LILRA1: variants seen among roughly 807,000 people sequenced by gnomAD.
LILRA1 encodes the protein leukocyte immunoglobulin like receptor A1, also known as leukocyte immunoglobulin-like receptor subfamily A member 1.
In LILRA1, 51 loss-of-function variants were observed where a neutral mutation model predicts 51.6. The ratio of observed to expected loss-of-function variants is 0.99; its 90% CI spans 0.79 to 1.25. The LOEUF (loss-of-function observed/expected upper bound fraction) is 1.25, where lower values mean the gene tolerates loss of function less well. LILRA1 is among the 50% of genes most tolerant of loss of function. The probability of loss-of-function intolerance (pLI) is 0.00; values close to 1 mark genes in which losing one functional copy is unlikely to be tolerated. For missense variants in LILRA1, 660 were observed against 611.7 expected, an observed-to-expected ratio of 1.08 and a Z score of -0.83; for synonymous variants, 305 against 248.4, an observed-to-expected ratio of 1.23 and a Z score of -2.14.
In LILRA1 at chr19:54,595,901, G is replaced by A. The variant is rs140515098; in HGVS notation, c.924G>A (p.Ser308=). 4.5e-4 allele frequency: 719 copies of A among 1,612,200 alleles called. No homozygotes were observed. The Middle Eastern group carries it at 8.9e-3, about 20-fold the overall frequency. ...CATACAACCTCTCCTCCGAGTGGTCGGCCCCCAGCGACCCCCTGGACATCC... is the reference window on the plus strand; with the variant it reads ...CATACAACCTCTCCTCCGAGTGGTCAGCCCCCAGCGACCCCCTGGACATCC... ...SGAYNLSSEW[S]APSDPLDILI... The change falls in exon 6 of 10, where the codon TCG becomes TCA. Residue 308 remains serine (S), a synonymous_variant. Coordinates refer to ENST00000251372, the MANE Select transcript of LILRA1 (RefSeq NM_006863.4).
rs2063153804 is a variant in LILRA1, at chr19:54,601,033, C to A, written c.*216C>A. On this transcript the variant is annotated 3_prime_UTR_variant, in exon 10 of 10. Coordinates refer to ENST00000251372, the MANE Select transcript of LILRA1 (RefSeq NM_006863.4). ...ATGAAGGACCATTAACCTGTGATAC[C>A]TTTCCTCTCTATTAATGTTGACTTC... 3 of 610,676 alleles carry A rather than the reference C, an allele frequency of 4.9e-6. No homozygotes were observed. Among genetic ancestry groups the A allele is most frequent in the Admixed American group, 2.9e-5 (1 of 34,140 alleles). 37.8% of individuals were successfully genotyped at this position (610,676 alleles called of 1,614,324 possible).
chr19:54,600,869 T>C lies in LILRA1; in HGVS notation c.*52T>C. 1 of 1,600,364 alleles carries C rather than the reference T, an allele frequency of 6.2e-7. No individual in the cohort carries two copies. The highest frequency in any genetic ancestry group is 8.6e-7 in the Non-Finnish European group (1 of 1,167,556). On this transcript the variant is annotated 3_prime_UTR_variant, in exon 10 of 10. Coordinates refer to ENST00000251372, the MANE Select transcript of LILRA1 (RefSeq NM_006863.4). ...GAGAAGAATGTACCCTTCAGAGTGG[T>C]GGAGCCTTGGGAACAGATCTGATGA...
Position 54,594,942 on chromosome 19 carries a change from G to A in LILRA1, c.348G>A (p.Leu116=). ...GWSEPSDPLE[L]VVTGAYIKPT... ...CAGAGCCCAGTGACCCCCTGGAGCT[G>A]GTGGTGACAGGTGAGCTGACACTGA... The change falls in exon 4 of 10, where the codon CTG becomes CTA. Residue 116 remains leucine (L), a synonymous_variant. Transcript: ENST00000251372. 1 of 1,613,916 alleles carries A rather than the reference G, an allele frequency of 6.2e-7. No homozygotes were observed. Among genetic ancestry groups the A allele is most frequent in the Non-Finnish European group, 8.5e-7 (1 of 1,179,910 alleles).
At position 54,596,228 on chromosome 19, in the gene LILRA1, G is replaced by C. The variant is rs1201927844; in HGVS notation, c.998G>C (p.Gly333Ala). 2 of 1,613,858 alleles carry C rather than the reference G, an allele frequency of 1.2e-6. No individual in the cohort carries two copies. Among genetic ancestry groups the C allele is most frequent in the African/African-American group, 1.3e-5 (1 of 74,840 alleles). The change falls in exon 7 of 10, where the codon GGC (glycine) becomes GCC (alanine). Residue 333 changes from glycine (G) to alanine (A), a missense_variant. Coordinates refer to ENST00000251372, the MANE Select transcript of LILRA1 (RefSeq NM_006863.4). ...AGACCCTTCATCTCGGTGCATCCGGGCCCCACGGTGGCCTCAGGAGAGAAC... is the reference window on the plus strand; with the variant it reads ...AGACCCTTCATCTCGGTGCATCCGGCCCCCACGGTGGCCTCAGGAGAGAAC... ...RGRPFISVHP[G>A]PTVASGENVT...
chr19:54,595,071 A>G (rs757377734), intron 4 of LILRA1, 29 bp from the exon 5 acceptor site: 6 of 1,605,772 alleles, frequency 3.7e-6, no homozygotes, highest in Non-Finnish European at 5.1e-6. Context: ...TGTGAGCCCC[A>G]TTTAACATGG....
chr19:54,596,460 C>T lies in LILRA1; in HGVS notation c.1230C>T (p.His410=), dbSNP rs753816569. Residue 410 remains histidine (H), a synonymous_variant, in exon 7 of 10, where the codon CAC becomes CAT. Coordinates refer to ENST00000251372, the MANE Select transcript of LILRA1 (RefSeq NM_006863.4). Reference sequence around the variant, plus strand: ...GCTCCAACCCCTACCTGCTGTCTCACCCCAGTGACTCCCTGGAGCTCATGG... The same window carrying T: ...GCTCCAACCCCTACCTGCTGTCTCATCCCAGTGACTCCCTGGAGCTCATGG... ...SLSSNPYLLS[H]PSDSLELMVS... is the part of the protein sequence containing the mutation. 1.2e-6 allele frequency: 2 copies of T among 1,614,154 alleles called. No homozygotes were observed. The highest frequency in any genetic ancestry group is 1.1e-5 in the South Asian group (1 of 91,084).
chr19:54,599,279 C>T lies in LILRA1; in HGVS notation c.1305C>T (p.Ser435=), dbSNP rs1208495815. 1 of 1,570,418 alleles carries T rather than the reference C, an allele frequency of 6.4e-7. No homozygotes were observed. The highest frequency in any genetic ancestry group is 8.7e-7 in the Non-Finnish European group (1 of 1,153,200). ...TLSPPQNKSD[S]KAGAANTLSP... ...GCCCACCACAAAACAAGTCCGATTC[C>T]AAGGCTGGTGAGTGAGGAGATGCTT... Residue 435 remains serine (S), a synonymous_variant, in exon 8 of 10, where the codon TCC becomes TCT. Transcript: ENST00000251372.
In LILRA1 at chr19:54,594,477, G is replaced by C. The variant is rs768448003; in HGVS notation, c.70+1G>C. 1.9e-6 allele frequency: 3 copies of C among 1,614,154 alleles called. No individual in the cohort carries two copies. The highest frequency in any genetic ancestry group is 2.2e-5 in the South Asian group (2 of 91,078). On this transcript the variant is annotated splice_donor_variant, in intron 3 of 9. Transcript: ENST00000251372. LOFTEE classifies it high-confidence loss of function. The stretch of plus-strand genomic sequence containing the variant: ...GGCCCCCGGACCCACGTGCAGGCAG[G>C]TGAGTCTGTCCCCAGCTCTCCCAGG...
intron 8 of LILRA1, chr19:54,599,503 A>G: frequency 8.2e-7 from 1 of 1,212,438 alleles, no homozygotes; most frequent in Non-Finnish European, 1.0e-6. Flanking sequence ...TGCTTTGAGT[A>G]TATTCATTGT....
At position 54,601,136 on chromosome 19, in the gene LILRA1, C is replaced by A; in HGVS notation, c.*319C>A. ...CCCACATGGCAGCGTTGGGTCCACA[C>A]CTCTGCACATCTGTGTGCTCTGGTC... is the stretch of plus-strand genomic sequence containing the variant. On this transcript the variant is annotated 3_prime_UTR_variant, in exon 10 of 10. Transcript: ENST00000251372. 2.2e-6 allele frequency: 1 copy of A among 457,700 alleles called. No individual in the cohort carries two copies. Among genetic ancestry groups the A allele is most frequent in the South Asian group, 2.3e-5 (1 of 43,588 alleles). The allele number at this position is 457,700 out of a possible 1,614,324, so 28.4% of individuals were successfully genotyped here.
At position 54,596,350 on chromosome 19, in the gene LILRA1, G is replaced by T; in HGVS notation, c.1120G>T (p.Glu374Ter). The change falls in exon 7 of 10, where the codon GAA (glutamate) becomes TAA (stop). Residue 374 changes from glutamate (E) to a stop codon, truncating the protein, a stop_gained. Transcript: ENST00000251372. LOFTEE classifies it high-confidence loss of function. ...DAPLRLRSIH[E>*]YPKYQAEFPM... The stretch of plus-strand genomic sequence containing the variant: ...CCCCCTCCGTCTCAGATCAATACAC[G>T]AATATCCTAAGTACCAGGCTGAATT... 1 of 1,605,556 alleles carries T rather than the reference G, an allele frequency of 6.2e-7. No individual in the cohort carries two copies. Among genetic ancestry groups the T allele is most frequent in the South Asian group, 1.1e-5 (1 of 90,656 alleles).
rs2052861386 is a variant in LILRA1 at position 54,600,555 on chromosome 19, G to A, written c.1351+5G>A. ...GCCCATCACAAAACAAGACTGGTGA[G>A]TGAGGAGATGCTCTCGTTTACGGTG... On this transcript the variant is annotated splice_donor_5th_base_variant and intron_variant, in intron 9 of 9. Transcript: ENST00000251372. The A allele has an allele frequency of 5.0e-6, 8 of 1,614,102 alleles. No individual in the cohort carries two copies. Among genetic ancestry groups the A allele is most frequent in the South Asian group, 3.3e-5 (3 of 91,084 alleles).
At chr19:54,596,822 A>G (rs2063069158) in intron 7 of LILRA1, among the ~76,000 whole-genome samples, 1 of 151,944 alleles carries the variant, frequency 6.6e-6, no homozygotes, top group Admixed American at 6.6e-5. Flanking sequence ...AGCTGATGTC[A>G]TGCCACTGCA....
Position 54,596,442 on chromosome 19 carries a change from C to T in LILRA1, c.1212C>T (p.Asn404=). 6.2e-7 allele frequency: 1 copy of T among 1,614,136 alleles called. No individual in the cohort carries two copies. ...GGTGCTACGGCTCACTCAGCTCCAA[C>T]CCCTACCTGCTGTCTCACCCCAGTG... ...TYRCYGSLSS[N]PYLLSHPSDS... is the part of the protein sequence containing the mutation. Residue 404 remains asparagine, a synonymous_variant, in exon 7 of 10, where the codon AAC becomes AAT. Transcript: ENST00000251372.
intron 3 of LILRA1, 37 bp downstream of exon 3, chr19:54,594,513 T>C: frequency 6.2e-7 from 1 of 1,613,998 alleles, no homozygotes; most frequent in Non-Finnish European, 8.5e-7. Flanking sequence ...TCCCTCCTCC[T>C]CACTGGGGAC....
At chr19:54,596,547 C>G in intron 7 of LILRA1, 56 bp downstream of exon 7, 1 of 1,607,554 alleles carries the variant, frequency 6.2e-7, no homozygotes. Context: ...AGGCCCTGCC[C>G]CCCAGGAGAG....
Position 54,594,442 on chromosome 19 carries a change from G to A in LILRA1, c.36G>A (p.Arg12=). 2 of 1,614,208 alleles carry A rather than the reference G, an allele frequency of 1.2e-6. No homozygotes were observed. The highest frequency in any genetic ancestry group is 1.7e-6 in the Non-Finnish European group (2 of 1,180,014). Residue 12 remains arginine, a splice_region_variant and synonymous_variant, in exon 3 of 10, where the codon AGG becomes AGA. Transcript: ENST00000251372. ...TPIVTVLICL[R]LSLGPRTHVQ... ...TCCTCACAGGGAACTCTCTTCCAGG[G>A]CTGAGTCTGGGCCCCCGGACCCACG... is the stretch of plus-strand genomic sequence containing the variant.
intron 4 of LILRA1, 58 bp from the exon 5 acceptor site, chr19:54,595,042 C>T (rs543481162): frequency 1.3e-5 from 21 of 1,601,510 alleles, no homozygotes; most frequent in Middle Eastern, 3.3e-4. Flanking sequence ...CAGCCCAGCC[C>T]TGGGGATGAA....
rs374309790 is a variant in LILRA1 at position 54,595,891 on chromosome 19, C to T, written c.914C>T (p.Ser305Phe). The change falls in exon 6 of 10, where the codon TCC becomes TTC. Residue 305 changes from serine to phenylalanine, a missense_variant. Transcript: ENST00000251372. ...YRCSGAYNLS[S>F]EWSAPSDPLD... ...TGCTCCGGTGCATACAACCTCTCCT[C>T]CGAGTGGTCGGCCCCCAGCGACCCC... is the stretch of plus-strand genomic sequence containing the variant. 70 of 1,613,652 alleles carry T rather than the reference C, an allele frequency of 4.3e-5. No individual in the cohort carries two copies. Among genetic ancestry groups the T allele is most frequent in the South Asian group, 1.8e-4 (16 of 91,072 alleles).
Sources: gnomAD v4.1 joint callset for allele counts (sites outside exome capture counted in the v4.1 genomes callset) on GRCh38, gnomAD v4.1.1 for gene constraint, MANE v1.5 for transcripts, NCBI Gene and HGNC (gene_info 2026-07-23, HGNC 2026-07-21) for gene names.